Variants in C6orf89 observed in about 807,000 individuals in gnomAD.
The protein encoded by C6orf89 is chromosome 6 open reading frame 89, also known as bombesin receptor-activated protein C6orf89.
In C6orf89, 29 loss-of-function variants were observed where a neutral mutation model predicts 40.7. That is an observed-to-expected ratio of 0.71 (90% CI 0.53 to 0.97). The LOEUF (loss-of-function observed/expected upper bound fraction) is 0.97. Ranked by LOEUF, C6orf89 falls within the 50% of genes least tolerant of loss-of-function variation. C6orf89 has a pLI of 0.00. For synonymous variants in C6orf89, 165 were observed against 152.2 expected (o/e 1.08, Z -0.62); for missense variants, 392 against 429.1 (o/e 0.91, Z 0.76).
At chr6:36,912,662 A>G (rs1008132845) in intron 4 of C6orf89, among the ~76,000 whole-genome samples, 2 of 152,208 alleles carry the variant, frequency 1.3e-5, no homozygotes, top group African/African-American at 4.8e-5. Context: ...AGCAGGGTGT[A>G]GCGGTAATCC....
chr6:36,884,189 G>C (rs969406848), upstream of C6orf89, among the ~76,000 whole-genome samples: 1 of 152,180 alleles, frequency 6.6e-6, no homozygotes, highest in East Asian at 1.9e-4. The surrounding 1 kb of genome is among the most constrained non-coding windows in gnomAD (Gnocchi z 4.0). Context: ...TTGAACCTAG[G>C]AGGTGGAGGT....
intron 4 of C6orf89, among the ~76,000 whole-genome samples, chr6:36,911,446 C>T (rs1004172940): frequency 2.6e-5 from 4 of 151,704 alleles, no homozygotes; most frequent in Non-Finnish European, 2.9e-5. Flanking sequence ...GCCGAGATCG[C>T]GCCACTGCAC....
exon 1 of C6orf89, chr6:36,871,877 A>G (rs774797189): frequency 2.5e-6 from 4 of 1,573,908 alleles, no homozygotes; most frequent in Non-Finnish European, 3.4e-6. Flanking sequence ...CCCATGCTGC[A>G]GAGGGAGAGG....
At chr6:36,899,968 A>G (rs577602034) in intron 3 of C6orf89, among the ~76,000 whole-genome samples, 67 of 152,014 alleles carry the variant, frequency 4.4e-4, no homozygotes, top group Non-Finnish European at 9.0e-4. Context: ...GCTCACCGCA[A>G]CCTCTGCCTC....
intron 4 of C6orf89, among the ~76,000 whole-genome samples, chr6:36,910,736 A>AT (rs1055173735): frequency 1.3e-5 from 2 of 151,732 alleles, no homozygotes; most frequent in African/African-American, 4.8e-5. Context: ...CTAAAAAAAA[A>AT]AAAAAGGCTG....
chr6:36,902,189 G>T (rs1279706349), intron 3 of C6orf89, 32 bp from the exon 4 acceptor site: 11 of 1,576,502 alleles, frequency 7.0e-6, no homozygotes, highest in Non-Finnish European at 8.7e-6. Flanking sequence ...TTTGTTTGCT[G>T]GGATTAATGC....
chr6:36,886,650 C>T (rs1272447969), intron 1 of C6orf89, among the ~76,000 whole-genome samples: 1 of 152,158 alleles, frequency 6.6e-6, no homozygotes, highest in Non-Finnish European at 1.5e-5. Context: ...GCCCTCATAG[C>T]CTTTGTATTC....
At chr6:36,915,709 A>C (rs1762289670) in intron 6 of C6orf89, among the ~76,000 whole-genome samples, 1 of 151,936 alleles carries the variant, frequency 6.6e-6, no homozygotes, top group South Asian at 2.1e-4. Flanking sequence ...CTGTTTCAAA[A>C]AAAAAAAAGG....
chr6:36,907,773 G>T (rs1180150102), intron 4 of C6orf89, among the ~76,000 whole-genome samples: 1 of 152,170 alleles, frequency 6.6e-6, no homozygotes, highest in Non-Finnish European at 1.5e-5. Context: ...TGACTTTTCT[G>T]TCTGGTGCTT....
At chr6:36,916,903 A>G (rs1218292218) in intron 7 of C6orf89, among the ~76,000 whole-genome samples, 6 of 152,120 alleles carry the variant, frequency 3.9e-5, no homozygotes, top group African/African-American at 1.4e-4. Context: ...TGGCTTTCCT[A>G]CCTTAAATTA....
At chr6:36,908,422 C>T (rs1762004224) in intron 4 of C6orf89, among the ~76,000 whole-genome samples, 1 of 151,874 alleles carries the variant, frequency 6.6e-6, no homozygotes, top group Non-Finnish European at 1.5e-5. Flanking sequence ...TACATGCATA[C>T]AAAGACAGTA....
At chr6:36,885,924 G>A (rs757856311), upstream of C6orf89, 24 of 1,113,566 alleles carry the variant, frequency 2.2e-5, no homozygotes, top group South Asian at 2.9e-5. Context: ...GGAGTGGGGG[G>A]TTGCTTCCGG....
At chr6:36,892,410 G>A (rs748397686) in intron 1 of C6orf89, among the ~76,000 whole-genome samples, 14 of 152,212 alleles carry the variant, frequency 9.2e-5, no homozygotes, top group South Asian at 2.1e-4. Flanking sequence ...AGGCGTGATC[G>A]TAACTCACTG....
chr6:36,892,256 A>G (rs537971655), intron 1 of C6orf89, among the ~76,000 whole-genome samples: 4 of 152,206 alleles, frequency 2.6e-5, no homozygotes, highest in South Asian at 4.1e-4. Flanking sequence ...GAGGGGTAGG[A>G]GGAGGTTCTC....
In C6orf89 at chr6:36,916,568, G is replaced by A. The variant is rs777665393; in HGVS notation, c.819G>A (p.Gly273=). The change falls in exon 7 of 9, where the codon GGG becomes GGA. Residue 273 remains glycine, a synonymous_variant. Transcript: ENST00000480824. ...CSFLHPEPVV[G]SKMHKMPDLF... ...TTCTTCACCCAGAACCTGTTGTGGGGAGTAAGGTAGGAAATTTTGAGAGGA... is the reference window on the plus strand; with the variant it reads ...TTCTTCACCCAGAACCTGTTGTGGGAAGTAAGGTAGGAAATTTTGAGAGGA... 4.3e-6 allele frequency: 7 copies of A among 1,614,042 alleles called. No individual in the cohort carries two copies. The highest frequency in any genetic ancestry group is 1.6e-4 in the Middle Eastern group (1 of 6,062).
intron 4 of C6orf89, among the ~76,000 whole-genome samples, chr6:36,906,869 T>C (rs1292874661): frequency 6.6e-6 from 1 of 152,226 alleles, no homozygotes; most frequent in Non-Finnish European, 1.5e-5. Flanking sequence ...GTCATGGGCT[T>C]TGCAGGGTTT....
rs538647383 is a variant in C6orf89, at chr6:36,927,113, C to T, written c.*3672C>T. The stretch of plus-strand genomic sequence containing the variant: ...CAACTGTGTCCAGCCATTTTCCTGT[C>T]TCCACATTCTTCCAGATGTGTGACA... On this transcript the variant is annotated 3_prime_UTR_variant, in exon 9 of 9. Transcript: ENST00000480824. 4 of 152,374 alleles carry T rather than the reference C, an allele frequency of 2.6e-5. No individual in the cohort carries two copies. Among genetic ancestry groups the T allele is most frequent in the African/African-American group, 9.6e-5 (4 of 41,590 alleles). The allele number at this position is 152,374 out of a possible 1,614,324, so 9.4% of individuals were successfully genotyped here.
chr6:36,871,977 G>C, intron 1 of C6orf89: 1 of 1,080,112 alleles, frequency 9.3e-7, no homozygotes, highest in Non-Finnish European at 1.2e-6. Flanking sequence ...TGTAAGTCAT[G>C]AAATTGTGAT....
intron 4 of C6orf89, among the ~76,000 whole-genome samples, chr6:36,912,940 A>G (rs1454020326): frequency 2.0e-5 from 3 of 152,274 alleles, no homozygotes; most frequent in Non-Finnish European, 2.9e-5. Flanking sequence ...TAAAAAATTG[A>G]CTTCGTTTCA....
Sources: gnomAD v4.1 joint callset for allele counts (sites outside exome capture counted in the v4.1 genomes callset) on GRCh38, gnomAD v4.1.1 for gene constraint, Gnocchi (gnomAD v3.1) non-coding constraint, MANE v1.5 for transcripts, NCBI Gene and HGNC (gene_info 2026-07-23, HGNC 2026-07-21) for gene names.